The following AGMO variants were observed in gnomAD, a reference collection of about 807,000 sequenced individuals.
AGMO encodes alkylglycerol monooxygenase, also known as glyceryl-ether monooxygenase.
AGMO carries 75 observed loss-of-function variants against 60.2 expected under a neutral mutation model. The observed-to-expected ratio is 1.25, with a 90% CI of 1.03 to 1.51. The LOEUF is 1.51. Among genes scored for constraint, AGMO ranks in the 40% most tolerant of loss-of-function variants. AGMO has a pLI of 0.00. For missense variants in AGMO, 763 were observed against 525.5 expected, an observed-to-expected ratio of 1.45 and a Z score of -4.42; for synonymous variants, 261 against 177.1, an observed-to-expected ratio of 1.47 and a Z score of -3.76.
chr7:15,322,671 AATATATGT>A (rs1214217728), intron 12 of AGMO, among the ~76,000 whole-genome samples: 28 of 76,702 alleles, frequency 3.7e-4, no homozygotes, highest in South Asian at 1.1e-3. Context: ...AATATATATA[AATATATGT>A]ATATATAAAT....
chr7:15,383,354 C>G (rs1044264370), intron 10 of AGMO, among the ~76,000 whole-genome samples: 3 of 151,716 alleles, frequency 2.0e-5, no homozygotes, highest in African/African-American at 7.3e-5. Context: ...AAGCAATAGT[C>G]CCAAACTTTT....
chr7:15,394,291 G>T, intron 5 of AGMO, 112 bp from the exon 6 acceptor site: 1 of 841,868 alleles, frequency 1.2e-6, no homozygotes, highest in Non-Finnish European at 1.9e-6. Flanking sequence ...CGAATTTCAG[G>T]GTTGGTATCA....
At chr7:15,374,147 T>A (rs549125512) in intron 10 of AGMO, among the ~76,000 whole-genome samples, 1 of 151,570 alleles carries the variant, frequency 6.6e-6, no homozygotes, top group African/African-American at 2.4e-5. Flanking sequence ...CATACTGCAA[T>A]GTATAATTAT....
intron 9 of AGMO, among the ~76,000 whole-genome samples, chr7:15,387,021 G>A (rs28410562): frequency 0.07 from 10,580 of 152,192 alleles, 693 homozygotes; most frequent in African/African-American, 0.17. Flanking sequence ...TTTTTCATGA[G>A]TGGAGTTAAG....
chr7:15,156,120 G>C, the AGMO span, among the ~76,000 whole-genome samples: 1 of 152,230 alleles, frequency 6.6e-6, no homozygotes, highest in Non-Finnish European at 1.5e-5. Context: ...CACCAGTAGA[G>C]TGGCAGGGAG....
chr7:15,188,139 G>A, the AGMO span, among the ~76,000 whole-genome samples: 158 of 152,232 alleles, frequency 1.0e-3, 1 homozygote, highest in East Asian at 0.015. Flanking sequence ...AGAGGTTCAC[G>A]AAGAAGGGCG....
At chr7:15,342,279 G>A (rs980513901) in intron 12 of AGMO, among the ~76,000 whole-genome samples, 17 of 151,420 alleles carry the variant, frequency 1.1e-4, no homozygotes, top group African/African-American at 4.1e-4. Flanking sequence ...TGGTCAGCAA[G>A]GGAGGAGTAA....
chr7:15,288,170 C>A (rs1017354113), intron 12 of AGMO, among the ~76,000 whole-genome samples: 2 of 151,826 alleles, frequency 1.3e-5, no homozygotes, highest in African/African-American at 4.8e-5. Context: ...ACCACAGGCG[C>A]CCAGCACCAC....
the AGMO span, among the ~76,000 whole-genome samples, chr7:15,161,116 C>A: frequency 6.4e-4 from 97 of 152,270 alleles, no homozygotes; most frequent in African/African-American, 2.2e-3. Context: ...ATAGCCTAAT[C>A]ACCTCTCATT....
At chr7:15,363,715 A>T (rs557464926) in intron 12 of AGMO, among the ~76,000 whole-genome samples, 131 of 152,238 alleles carry the variant, frequency 8.6e-4, no homozygotes, top group African/African-American at 3.0e-3. Context: ...AAGAATACCA[A>T]ATGCAGTATG....
intron 12 of AGMO, among the ~76,000 whole-genome samples, chr7:15,271,486 G>A (rs1783609092): frequency 6.6e-6 from 1 of 152,022 alleles, no homozygotes; most frequent in Admixed American, 6.6e-5. Context: ...TTGATGTATA[G>A]CAATATTAAC....
intron 12 of AGMO, among the ~76,000 whole-genome samples, chr7:15,317,497 G>A (rs1040044849): frequency 6.6e-6 from 1 of 152,058 alleles, no homozygotes; most frequent in South Asian, 2.1e-4. Flanking sequence ...TTACACTCAC[G>A]TTGTTGGGTA....
intron 12 of AGMO, among the ~76,000 whole-genome samples, chr7:15,246,466 T>G (rs62450260): frequency 6.6e-6 from 1 of 152,206 alleles, no homozygotes; most frequent in African/African-American, 2.4e-5. Context: ...GACAATGACT[T>G]GAAGTTTATT....
chr7:15,524,178 A>G (rs1784067201), intron 3 of AGMO, among the ~76,000 whole-genome samples: 1 of 152,188 alleles, frequency 6.6e-6, no homozygotes, highest in African/African-American at 2.4e-5. Flanking sequence ...ATGCTAAAAT[A>G]GTAAACTTGA....
intron 10 of AGMO, among the ~76,000 whole-genome samples, chr7:15,373,626 CA>C (rs1375279454): frequency 6.6e-6 from 1 of 152,100 alleles, no homozygotes; most frequent in Non-Finnish European, 1.5e-5. Flanking sequence ...ATTTCTCCAC[CA>C]AACAAACCTC....
chr7:15,261,415 AT>A (rs1351854425), intron 12 of AGMO, among the ~76,000 whole-genome samples: 3 of 152,106 alleles, frequency 2.0e-5, no homozygotes, highest in Non-Finnish European at 4.4e-5. Flanking sequence ...AGATGAATAT[AT>A]TCTTGGAAAT....
At chr7:15,527,859 G>C (rs547382600) in intron 3 of AGMO, among the ~76,000 whole-genome samples, 1 of 152,114 alleles carries the variant, frequency 6.6e-6, no homozygotes, top group East Asian at 1.9e-4. Context: ...ACAAAGCCTG[G>C]ATTACAGCAC....
At chr7:15,373,547 T>C (rs1783313343) in intron 10 of AGMO, among the ~76,000 whole-genome samples, 2 of 152,142 alleles carry the variant, frequency 1.3e-5, no homozygotes, top group Admixed American at 6.6e-5. Context: ...CCTTTTCTTC[T>C]TGAAGAGGAC....
At chr7:15,264,132 T>C (rs1262519972) in intron 12 of AGMO, among the ~76,000 whole-genome samples, 3 of 151,814 alleles carry the variant, frequency 2.0e-5, no homozygotes, top group Non-Finnish European at 4.4e-5. Flanking sequence ...AAAAAATATT[T>C]TAGTGTCATA....
Sources: allele counts gnomAD v4.1 joint callset (sites outside exome capture counted in the v4.1 genomes callset), GRCh38; gene constraint gnomAD v4.1.1; transcripts MANE v1.5; gene names NCBI Gene and HGNC (gene_info 2026-07-23, HGNC 2026-07-21).